The following KCTD7 variants were observed in gnomAD, a reference collection of about 807,000 sequenced individuals.
The protein encoded by KCTD7 is potassium channel tetramerization domain containing 7, also known as BTB/POZ domain-containing protein KCTD7.
A neutral mutation model predicts 27.0 loss-of-function variants in KCTD7; 15 were observed. The ratio of observed to expected loss-of-function variants is 0.56; its 90% confidence interval spans 0.37 to 0.86. The LOEUF is 0.86. Ranked by LOEUF, KCTD7 falls within the 40% of genes least tolerant of loss-of-function variation. The probability of loss-of-function intolerance (pLI) is 0.00; values close to 1 mark genes in which losing one functional copy is unlikely to be tolerated. For missense variants in KCTD7, 299 were observed against 398.9 expected (o/e 0.75, Z 2.13); for synonymous variants, 159 against 162.7 (o/e 0.98, Z 0.17).
chr7:66,634,619 A>G (rs1245986338), intron 2 of KCTD7, among the ~76,000 whole-genome samples: 1 of 152,112 alleles, frequency 6.6e-6, no homozygotes, highest in East Asian at 1.9e-4. Flanking sequence ...ATAGTCTAAA[A>G]CAACATGGAG....
At chr7:66,638,687 T>G (rs886590708) in intron 3 of KCTD7, 169 bp from the exon 4 acceptor site, 50 of 856,976 alleles carry the variant, frequency 5.8e-5, no homozygotes, top group Non-Finnish European at 8.1e-5. Context: ...TGGAGAACCG[T>G]GACCCTTGTT....
intron 1 of KCTD7, 47 bp from the exon 2 acceptor site, chr7:66,633,228 T>C (rs1786494616): frequency 6.2e-7 from 1 of 1,601,840 alleles, no homozygotes; most frequent in Non-Finnish European, 8.5e-7. Context: ...CAGCCCCAGC[T>C]CTCATTCCCC....
At position 66,633,313 on chromosome 7, in the gene KCTD7, C is replaced by G; in HGVS notation, c.183C>G (p.His61Gln). ...TTCCCCTTAACATCGGAGGGGCTCA[C>G]TTCACTACACGCCTGTCCACACTGC... ...EVVPLNIGGAHFTTRLSTLRC... is the reference protein window; with the variant it reads ...EVVPLNIGGAQFTTRLSTLRC... Residue 61 changes from histidine to glutamine, a missense_variant, in exon 2 of 4, where the codon CAC becomes CAG. Coordinates refer to ENST00000639828, the MANE Select transcript of KCTD7 (RefSeq NM_153033.5). 1 of 1,613,950 alleles carries G rather than the reference C, an allele frequency of 6.2e-7. No homozygotes were observed. The highest frequency in any genetic ancestry group is 8.5e-7 in the Non-Finnish European group (1 of 1,179,872).
At position 66,642,900 on chromosome 7, in the gene KCTD7, C is replaced by A; in HGVS notation, c.*3668C>A. On this transcript the variant is annotated 3_prime_UTR_variant, in exon 4 of 4. Coordinates refer to ENST00000639828, the MANE Select transcript of KCTD7 (RefSeq NM_153033.5). ...GGCAGTCACCTCGAGTGTGGGAGGTCACCTGGGTCCGTCGTCTTCCTTCTG... is the reference window on the plus strand; with the variant it reads ...GGCAGTCACCTCGAGTGTGGGAGGTAACCTGGGTCCGTCGTCTTCCTTCTG... 1.0e-6 allele frequency: 1 copy of A among 985,402 alleles called. No individual in the cohort carries two copies. The highest frequency in any genetic ancestry group is 1.2e-6 in the Non-Finnish European group (1 of 829,972). The allele number at this position is 985,402 out of a possible 1,614,324, so 61.0% of individuals were successfully genotyped here.
At chr7:66,634,697 G>T (rs749336483) in intron 2 of KCTD7, among the ~76,000 whole-genome samples, 6 of 151,856 alleles carry the variant, frequency 4.0e-5, no homozygotes, top group Non-Finnish European at 8.8e-5. Context: ...TGTAGCAGTG[G>T]TTACCAGACT....
At chr7:66,632,190 A>T (rs1786462398) in intron 1 of KCTD7, among the ~76,000 whole-genome samples, 1 of 152,194 alleles carries the variant, frequency 6.6e-6, no homozygotes, top group East Asian at 1.9e-4. Context: ...GTGAATTAGA[A>T]AAAGGGCACA....
At chr7:66,634,017 T>G (rs1786515203) in intron 2 of KCTD7, among the ~76,000 whole-genome samples, 1 of 150,750 alleles carries the variant, frequency 6.6e-6, no homozygotes, top group Non-Finnish European at 1.5e-5. Flanking sequence ...TTTTATTTAT[T>G]TATTATTTAT....
intron 2 of KCTD7, among the ~76,000 whole-genome samples, chr7:66,635,962 C>G (rs1786575471): frequency 6.6e-6 from 1 of 152,098 alleles, no homozygotes; most frequent in African/African-American, 2.4e-5. Flanking sequence ...CTGGGTTTGA[C>G]TTGAGGTGGA....
chr7:66,638,520 G>T (rs2116774361), intron 3 of KCTD7, 89 bp downstream of exon 3: 1 of 1,355,498 alleles, frequency 7.4e-7, no homozygotes, highest in Non-Finnish European at 1.0e-6. Context: ...GAACACCGGG[G>T]GCAGCATTCA....
rs760713984 is a variant in KCTD7, at chr7:66,633,476, G to T, written c.314+32G>T. 3.7e-6 allele frequency: 6 copies of T among 1,609,182 alleles called. No homozygotes were observed. The South Asian group carries it at 5.5e-5, about 15-fold the overall frequency. On this transcript the variant is annotated intron_variant, in intron 2 of 3. Transcript: ENST00000639828. ...CTCTCCCTCTACAATCAACTTTGTA[G>T]TCCTAGCAGGTGATTAGCGTAGGCT...
chr7:66,642,561 G>C lies in KCTD7; in HGVS notation c.*3329G>C. 1 of 985,416 alleles carries C rather than the reference G, an allele frequency of 1.0e-6. No homozygotes were observed. The highest frequency in any genetic ancestry group is 1.2e-6 in the Non-Finnish European group (1 of 829,942). The allele number at this position is 985,416 out of a possible 1,614,324, so 61.0% of individuals were successfully genotyped here. On this transcript the variant is annotated 3_prime_UTR_variant, in exon 4 of 4. Transcript: ENST00000639828. The stretch of plus-strand genomic sequence containing the variant: ...ACAAAACAAAAACTACTGATGCTGA[G>C]CGTTTTGATCCTAGTAATATTTCAA...
At chr7:66,629,980 C>T (rs182554899) in intron 1 of KCTD7, among the ~76,000 whole-genome samples, 8 of 152,110 alleles carry the variant, frequency 5.3e-5, no homozygotes, top group African/African-American at 7.2e-5. Flanking sequence ...ACTCAAGAGA[C>T]GGGAGAAGAT....
In KCTD7 at chr7:66,628,934, A is replaced by T; in HGVS notation, c.-131A>T. 1.1e-6 allele frequency: 1 copy of T among 913,350 alleles called. No homozygotes were observed. Among genetic ancestry groups the T allele is most frequent in the Non-Finnish European group, 1.5e-6 (1 of 671,630 alleles). 56.6% of individuals were successfully genotyped at this position (913,350 alleles called of 1,614,324 possible). On this transcript the variant is annotated 5_prime_UTR_variant, in exon 1 of 4. Coordinates refer to ENST00000639828, the MANE Select transcript of KCTD7 (RefSeq NM_153033.5). ...GGAGCCACCGCCCTCCCGCCTGCGC[A>T]CTGCCTCTCGCCCCCCTCCGGCCAG...
At chr7:66,636,291 G>C (rs546975036) in intron 2 of KCTD7, among the ~76,000 whole-genome samples, 1 of 152,070 alleles carries the variant, frequency 6.6e-6, no homozygotes, top group African/African-American at 2.4e-5. Context: ...GCTGGACCAT[G>C]GTAGATGTGG....
chr7:66,634,805 CTGT>C (rs1221009987), intron 2 of KCTD7, among the ~76,000 whole-genome samples: 1 of 151,810 alleles, frequency 6.6e-6, no homozygotes, highest in Admixed American at 6.6e-5. Flanking sequence ...AAAAAACCCT[CTGT>C]TGTTCTTGTC....
rs935478426 is a variant in KCTD7 at position 66,639,923 on chromosome 7, C to A, written c.*691C>A. 2.4e-6 allele frequency: 3 copies of A among 1,245,646 alleles called. No homozygotes were observed. Among genetic ancestry groups the A allele is most frequent in the Admixed American group, 7.9e-5 (2 of 25,322 alleles). The allele number at this position is 1,245,646 out of a possible 1,614,324, so 77.2% of individuals were successfully genotyped here. ...TGTTTACAGCCCTGTCTTAGGGCCGCGGCTTCTCTTATCTTCCACCACCTT... is the reference window on the plus strand; with the variant it reads ...TGTTTACAGCCCTGTCTTAGGGCCGAGGCTTCTCTTATCTTCCACCACCTT... On this transcript the variant is annotated 3_prime_UTR_variant, in exon 4 of 4. Transcript: ENST00000639828.
chr7:66,643,126 T>A (rs1157002628), downstream of KCTD7: 1 of 983,722 alleles, frequency 1.0e-6, no homozygotes, highest in Non-Finnish European at 1.2e-6. Context: ...AAATATTTTT[T>A]ATTTCTGCTT....
rs751665898 is a variant in KCTD7, at chr7:66,641,064, A to G, written c.*1832A>G. 15 of 985,146 alleles carry G rather than the reference A, an allele frequency of 1.5e-5. No individual in the cohort carries two copies. Among genetic ancestry groups the G allele is most frequent in the Non-Finnish European group, 1.8e-5 (15 of 829,866 alleles). 61.0% of individuals were successfully genotyped at this position (985,146 alleles called of 1,614,324 possible). On this transcript the variant is annotated 3_prime_UTR_variant, in exon 4 of 4. Transcript: ENST00000639828. ...GGGCGTGGTTTTGCACTCCTGTTGT[A>G]CTCTTTTAGAGGTGGAAAAGAGGTG...
Position 66,640,577 on chromosome 7 carries a change from C to T in KCTD7, c.*1345C>T, listed in dbSNP as rs1421942641. ...GTGTCTCTCTCTAATCATGATTGTA[C>T]CTGTCTCTTCCTGGGTAAAGGGAGA... On this transcript the variant is annotated 3_prime_UTR_variant, in exon 4 of 4. Transcript: ENST00000639828. 5.0e-6 allele frequency: 7 copies of T among 1,412,928 alleles called. No homozygotes were observed. The highest frequency in any genetic ancestry group is 5.5e-6 in the Non-Finnish European group (6 of 1,088,754). 87.5% of individuals were successfully genotyped at this position (1,412,928 alleles called of 1,614,324 possible).
Sources: allele counts gnomAD v4.1 joint callset (sites outside exome capture counted in the v4.1 genomes callset), GRCh38; gene constraint gnomAD v4.1.1; transcripts MANE v1.5; gene names NCBI Gene and HGNC (gene_info 2026-07-23, HGNC 2026-07-21).